The following SPRR2E variants were observed in gnomAD, a reference collection of about 807,000 sequenced individuals.
The protein encoded by SPRR2E is small proline-rich protein 2E.
For synonymous variants in SPRR2E, 20 were observed against 32.2 expected, an observed-to-expected ratio of 0.62 and a Z score of 1.28; for missense variants, 68 against 87.1, an observed-to-expected ratio of 0.78 and a Z score of 0.87.
rs1437449407 is a variant in SPRR2E, at chr1:153,093,783, A to G, written c.-19-13T>C. ...GGAGTCTCAGAATCTGAAAGAAATG[A>G]TATGACAGTGTTCACAGGAATGGAC... On this transcript the variant is annotated splice_polypyrimidine_tract_variant and intron_variant, in intron 1 of 1. Transcript: ENST00000368750. 8 of 1,611,336 alleles carry G rather than the reference A, an allele frequency of 5.0e-6. No homozygotes were observed. In the Admixed American group the frequency reaches 1.3e-4, roughly 27 times the overall value.
At position 153,093,468 on chromosome 1, in the gene SPRR2E, A is replaced by G. The variant is rs76895036; in HGVS notation, c.*65T>C. On this transcript the variant is annotated 3_prime_UTR_variant, in exon 2 of 2. Coordinates refer to ENST00000368750, the MANE Select transcript of SPRR2E (RefSeq NM_001024209.4). ...AGGCTTTGATGAGAAGATGCAGGTG[A>G]AGCTGTGGAACAAGGTGAGCCAATT... is the stretch of plus-strand genomic sequence containing the variant. The G allele has an allele frequency of 3.7e-5, 58 of 1,572,512 alleles. No homozygotes were observed. The highest frequency in any genetic ancestry group is 4.9e-5 in the Non-Finnish European group (57 of 1,158,686).
rs1655127096 is a variant in SPRR2E at position 153,093,173 on chromosome 1, A to G, written c.*360T>C. Reference sequence around the variant, plus strand: ...ATATTTTATTCAGGGAGTGAAAGAAAAGTGACAATTGCACAGGTGTTAGAA... The same window carrying G: ...ATATTTTATTCAGGGAGTGAAAGAAGAGTGACAATTGCACAGGTGTTAGAA... On this transcript the variant is annotated 3_prime_UTR_variant, in exon 2 of 2. Transcript: ENST00000368750. The G allele has an allele frequency of 5.6e-6, 2 of 355,126 alleles. No individual in the cohort carries two copies. The highest frequency in any genetic ancestry group is 2.1e-5 in the African/African-American group (1 of 47,528). The allele number at this position is 355,126 out of a possible 1,614,324, so 22.0% of individuals were successfully genotyped here. A position where few individuals can be genotyped will look rare whatever the true frequency, so the allele number is the denominator to read the frequency against.
chr1:153,093,989 G>A (rs1655161879), intron 1 of SPRR2E, among the ~76,000 whole-genome samples: 1 of 152,146 alleles, frequency 6.6e-6, no homozygotes, highest in Non-Finnish European at 1.5e-5. Context: ...TTTTTCCAAA[G>A]AAAACATCTC....
chr1:153,094,178 C>T (rs999253446), intron 1 of SPRR2E, among the ~76,000 whole-genome samples: 1 of 152,216 alleles, frequency 6.6e-6, no homozygotes, highest in Non-Finnish European at 1.5e-5. Flanking sequence ...TACTGGCTCT[C>T]ACACCTGCTA....
chr1:153,094,027 C>T (rs1655162614), intron 1 of SPRR2E, among the ~76,000 whole-genome samples: 3 of 152,208 alleles, frequency 2.0e-5, no homozygotes, highest in Admixed American at 2.0e-4. Flanking sequence ...CATGTTATTC[C>T]ATGAAAATGA....
chr1:153,093,797 A>C, intron 1 of SPRR2E, 27 bp from the exon 2 acceptor site: 1 of 1,610,430 alleles, frequency 6.2e-7, no homozygotes, highest in Non-Finnish European at 8.5e-7. Flanking sequence ...GACAGTGTTC[A>C]CAGGAATGGA....
chr1:153,093,551 A>G lies in SPRR2E; in HGVS notation c.201T>C (p.Cys67=), dbSNP rs1353033011. Residue 67 remains cysteine (C), a synonymous_variant, in exon 2 of 2, where the codon TGT becomes TGC. Transcript: ENST00000368750. ...VTPSPPCQPK[C]PPKSK ...GAAGCTGTTACTTGCTCTTGGGTGG[A>G]CACTTTGGCTGGCAGGGTGGGGAAG... 4.3e-6 allele frequency: 7 copies of G among 1,612,722 alleles called. No individual in the cohort carries two copies. The highest frequency in any genetic ancestry group is 3.3e-5 in the South Asian group (3 of 90,986).
At chr1:153,093,839 A>G (rs1337924380) in intron 1 of SPRR2E, 69 bp from the exon 2 acceptor site, 1 of 1,596,950 alleles carries the variant, frequency 6.3e-7, no homozygotes, top group Non-Finnish European at 8.5e-7. Flanking sequence ...AAGCTTATGT[A>G]ATACCATGGC....
At position 153,093,372 on chromosome 1, in the gene SPRR2E, C is replaced by T; in HGVS notation, c.*161G>A. On this transcript the variant is annotated 3_prime_UTR_variant, in exon 2 of 2. Coordinates refer to ENST00000368750, the MANE Select transcript of SPRR2E (RefSeq NM_001024209.4). ...AATATGGCAGCCTCAGAAAGGAAAC[C>T]TTTTGCTATCAGGGATCATCATGGG... is the stretch of plus-strand genomic sequence containing the variant. The T allele has an allele frequency of 7.3e-7, 1 of 1,379,022 alleles. No homozygotes were observed. The highest frequency in any genetic ancestry group is 9.8e-7 in the Non-Finnish European group (1 of 1,020,892). 85.4% of individuals were successfully genotyped at this position (1,379,022 alleles called of 1,614,324 possible).
In SPRR2E at chr1:153,093,898, T is replaced by A. The variant is rs912626384; in HGVS notation, c.-19-128A>T. Reference sequence around the variant, plus strand: ...AATTTATTTAAACTCTTAGCTCTCTTTTCATGACTTCCTGTCTTCTCCTTT... The same window carrying A: ...AATTTATTTAAACTCTTAGCTCTCTATTCATGACTTCCTGTCTTCTCCTTT... On this transcript the variant is annotated intron_variant, in intron 1 of 1. Transcript: ENST00000368750. The A allele has an allele frequency of 3.0e-6, 4 of 1,325,212 alleles. No homozygotes were observed. The African/African-American group carries it at 6.0e-5, about 20-fold the overall frequency. The allele number at this position is 1,325,212 out of a possible 1,614,324, so 82.1% of individuals were successfully genotyped here.
In SPRR2E at chr1:153,093,435, T is replaced by C. The variant is rs1655136161; in HGVS notation, c.*98A>G. 2.6e-6 allele frequency: 4 copies of C among 1,544,222 alleles called. No individual in the cohort carries two copies. In the South Asian group the frequency reaches 3.8e-5, roughly 15 times the overall value. ...TAAGAGGAAAGAAGCTAACTGTGTA[T>C]CCATGGTAGGCTTTGATGAGAAGAT... On this transcript the variant is annotated 3_prime_UTR_variant, in exon 2 of 2. Transcript: ENST00000368750.
Position 153,093,366 on chromosome 1 carries a change from G to A in SPRR2E, c.*167C>T, listed in dbSNP as rs1407455962. 1 of 1,344,704 alleles carries A rather than the reference G, an allele frequency of 7.4e-7. No homozygotes were observed. Among genetic ancestry groups the A allele is most frequent in the African/African-American group, 1.5e-5 (1 of 68,254 alleles). The allele number at this position is 1,344,704 out of a possible 1,614,324, so 83.3% of individuals were successfully genotyped here. A position where few individuals can be genotyped will look rare whatever the true frequency, so the allele number is the denominator to read the frequency against. On this transcript the variant is annotated 3_prime_UTR_variant, in exon 2 of 2. Coordinates refer to ENST00000368750, the MANE Select transcript of SPRR2E (RefSeq NM_001024209.4). ...AGTGGCAATATGGCAGCCTCAGAAA[G>A]GAAACCTTTTGCTATCAGGGATCAT...
At position 153,093,379 on chromosome 1, in the gene SPRR2E, T is replaced by C; in HGVS notation, c.*154A>G. On this transcript the variant is annotated 3_prime_UTR_variant, in exon 2 of 2. Transcript: ENST00000368750. The stretch of plus-strand genomic sequence containing the variant: ...CAGCCTCAGAAAGGAAACCTTTTGC[T>C]ATCAGGGATCATCATGGGCAGATCA... 7.1e-7 allele frequency: 1 copy of C among 1,404,850 alleles called. No individual in the cohort carries two copies. The highest frequency in any genetic ancestry group is 9.6e-7 in the Non-Finnish European group (1 of 1,040,172). 87.0% of individuals were successfully genotyped at this position (1,404,850 alleles called of 1,614,324 possible). A position where few individuals can be genotyped will look rare whatever the true frequency, so the allele number is the denominator to read the frequency against.
At chr1:153,093,816 G>C (rs1655156225) in intron 1 of SPRR2E, 46 bp from the exon 2 acceptor site, 2 of 1,608,882 alleles carry the variant, frequency 1.2e-6, no homozygotes, top group Admixed American at 3.3e-5. Flanking sequence ...GACTCCTCCA[G>C]AGAGAGAAGC....
chr1:153,093,830 A>T lies in SPRR2E; in HGVS notation c.-19-60T>A, dbSNP rs1445626042. The T allele has an allele frequency of 1.9e-6, 3 of 1,605,556 alleles. No homozygotes were observed. The East Asian group carries it at 6.7e-5, about 36-fold the overall frequency. ...GGACTCCTCCAGAGAGAGAAGCCAA[A>T]GCTTATGTAATACCATGGCATATTA... On this transcript the variant is annotated intron_variant, in intron 1 of 1. Coordinates refer to ENST00000368750, the MANE Select transcript of SPRR2E (RefSeq NM_001024209.4).
At chr1:153,093,810 C>T in intron 1 of SPRR2E, 40 bp from the exon 2 acceptor site, 2 of 1,609,614 alleles carry the variant, frequency 1.2e-6, no homozygotes, top group South Asian at 1.1e-5. Flanking sequence ...GGAATGGACT[C>T]CTCCAGAGAG....
intron 1 of SPRR2E, among the ~76,000 whole-genome samples, chr1:153,094,151 G>T (rs1448085999): frequency 6.6e-6 from 1 of 152,212 alleles, no homozygotes; most frequent in Non-Finnish European, 1.5e-5. Context: ...ACAGAGCAAG[G>T]GCTGTTCAGG....
intron 1 of SPRR2E, among the ~76,000 whole-genome samples, chr1:153,094,117 A>G (rs1209248067): frequency 2.0e-5 from 3 of 152,246 alleles, no homozygotes; most frequent in African/African-American, 7.2e-5. Flanking sequence ...ATCTGTTGTA[A>G]AGCACCAGTG....
chr1:153,094,215 A>G (rs1323796966), intron 1 of SPRR2E, among the ~76,000 whole-genome samples: 2 of 152,262 alleles, frequency 1.3e-5, no homozygotes, highest in East Asian at 1.9e-4. Flanking sequence ...AAAGGATACC[A>G]GGAAAATATG....
Sources: allele counts gnomAD v4.1 joint callset (sites outside exome capture counted in the v4.1 genomes callset), GRCh38; gene constraint gnomAD v4.1.1; transcripts MANE v1.5; gene names NCBI Gene and HGNC (gene_info 2026-07-23, HGNC 2026-07-21).